DLGAP1: variants seen among roughly 807,000 people sequenced by gnomAD.
DLGAP1 encodes disks large-associated protein 1.
Under a neutral mutation model 90.8 loss-of-function variants are expected in DLGAP1, and 11 were observed. That is an observed-to-expected ratio of 0.12 (90% CI 0.08 to 0.20). The LOEUF is 0.20. Ranked by LOEUF, DLGAP1 falls within the 10% of genes least tolerant of loss-of-function variation. The pLI, the probability that DLGAP1 is intolerant of heterozygous loss-of-function variation, is 1.00. For synonymous variants in DLGAP1, 558 were observed against 540.7 expected (o/e 1.03, Z -0.44); for missense variants, 1,050 against 1,333.8 (o/e 0.79, Z 3.31).
chr18:4,365,711 G>C (rs1039987816), intron 1 of DLGAP1, among the ~76,000 whole-genome samples: 1 of 152,024 alleles, frequency 6.6e-6, no homozygotes, highest in African/African-American at 2.4e-5. Flanking sequence ...ATTTGAAAAC[G>C]AGAAACTTAT....
At chr18:3,996,213 C>CAA (rs539163592) in intron 3 of DLGAP1, among the ~76,000 whole-genome samples, 6 of 152,166 alleles carry the variant, frequency 3.9e-5, no homozygotes, top group African/African-American at 1.2e-4. Context: ...TTAAACAAGT[C>CAA]AATTCTGATA....
intron 4 of DLGAP1, among the ~76,000 whole-genome samples, chr18:3,870,490 C>T (rs1360038682): frequency 6.6e-6 from 1 of 152,136 alleles, no homozygotes; most frequent in Non-Finnish European, 1.5e-5. Context: ...ATCCTGCACA[C>T]TATTCCTCTC....
At chr18:4,035,549 T>C (rs1474977410) in intron 2 of DLGAP1, among the ~76,000 whole-genome samples, 1 of 152,170 alleles carries the variant, frequency 6.6e-6, no homozygotes, top group Non-Finnish European at 1.5e-5. Flanking sequence ...AAATTGATTA[T>C]TTACTCCACA....
At chr18:4,130,098 AG>A (rs911541915) in intron 2 of DLGAP1, among the ~76,000 whole-genome samples, 3 of 152,234 alleles carry the variant, frequency 2.0e-5, no homozygotes, top group African/African-American at 7.2e-5. Context: ...TTTCACTGCA[AG>A]AACATCATTA....
chr18:4,187,612 T>G (rs1002178978), intron 1 of DLGAP1, among the ~76,000 whole-genome samples: 1 of 152,176 alleles, frequency 6.6e-6, no homozygotes, highest in African/African-American at 2.4e-5. Context: ...TTTTCTGTAT[T>G]GTTGCTGTGA....
At chr18:4,325,196 C>G (rs2080789226) in intron 1 of DLGAP1, among the ~76,000 whole-genome samples, 1 of 152,124 alleles carries the variant, frequency 6.6e-6, no homozygotes, top group Non-Finnish European at 1.5e-5. Flanking sequence ...ATAAAAATCA[C>G]TCGCATTCCT....
intron 7 of DLGAP1, among the ~76,000 whole-genome samples, chr18:3,630,593 A>G (rs73940063): frequency 6.6e-6 from 1 of 152,132 alleles, no homozygotes; most frequent in Non-Finnish European, 1.5e-5. Flanking sequence ...TTTTTTTCCA[A>G]ATAAATACTC....
intron 1 of DLGAP1, among the ~76,000 whole-genome samples, chr18:4,198,227 T>A (rs573244742): frequency 3.3e-5 from 5 of 151,854 alleles, no homozygotes; most frequent in East Asian, 1.9e-4. Flanking sequence ...TCTCAAAAAA[T>A]AAATAAATAA....
At chr18:3,687,730 A>G (rs1302106839) in intron 7 of DLGAP1, among the ~76,000 whole-genome samples, 1 of 152,238 alleles carries the variant, frequency 6.6e-6, no homozygotes, top group Non-Finnish European at 1.5e-5. Context: ...GAAAAAACTC[A>G]GAACTCAATG....
chr18:3,876,025 G>GGA (rs2070993570), intron 4 of DLGAP1, among the ~76,000 whole-genome samples: 1 of 134,860 alleles, frequency 7.4e-6, no homozygotes, highest in Non-Finnish European at 1.6e-5. Flanking sequence ...CAATAGAGCT[G>GGA]AAAAAAAAAA....
intron 2 of DLGAP1, among the ~76,000 whole-genome samples, chr18:4,071,746 C>T (rs960256157): frequency 6.6e-5 from 10 of 152,174 alleles, no homozygotes; most frequent in Non-Finnish European, 1.2e-4. Context: ...TGAATTGTCT[C>T]GAAGGAGAGG....
At chr18:4,429,035 A>C (rs2083220691) in intron 1 of DLGAP1, among the ~76,000 whole-genome samples, 2 of 152,336 alleles carry the variant, frequency 1.3e-5, no homozygotes, top group African/African-American at 4.8e-5. Flanking sequence ...AAGGATCTAA[A>C]AGGATTTTTC....
intron 2 of DLGAP1, among the ~76,000 whole-genome samples, chr18:4,047,894 C>G (rs1004167274): frequency 6.6e-6 from 1 of 152,174 alleles, no homozygotes; most frequent in Non-Finnish European, 1.5e-5. Flanking sequence ...TTCCCAGGTT[C>G]CAGTGATCCT....
intron 2 of DLGAP1, among the ~76,000 whole-genome samples, chr18:4,113,130 C>T (rs755829558): frequency 1.6e-4 from 25 of 152,008 alleles, no homozygotes; most frequent in African/African-American, 3.1e-4. Flanking sequence ...TATTCAGTTA[C>T]GGGATTGCTG....
At chr18:3,978,003 T>C in intron 3 of DLGAP1, 1 of 373,772 alleles carries the variant, frequency 2.7e-6, no homozygotes, top group South Asian at 2.2e-5. Context: ...GTAGCACCAG[T>C]AGATGCAGGG....
In DLGAP1 at chr18:3,959,887, A is replaced by C. The variant is rs564197952; in HGVS notation, c.-73+45229T>G. Among the ~76,000 whole-genome samples, 64 of 152,322 alleles carry C rather than the reference A, an allele frequency of 4.2e-4. 1 individual carries two copies. Among genetic ancestry groups the C allele is most frequent in the Admixed American group, 1.6e-3 (24 of 15,310 alleles). ...GTTATTTTACACCGTCTCTTTTTAC[A>C]CTAAGGCTTGGAATGAAGTGTGCCT... On this transcript the variant is annotated intron_variant, in intron 3 of 12. Coordinates refer to ENST00000315677, the MANE Select transcript of DLGAP1 (RefSeq NM_004746.4).
At chr18:3,767,450 A>G (rs902336000) in intron 5 of DLGAP1, among the ~76,000 whole-genome samples, 1 of 152,068 alleles carries the variant, frequency 6.6e-6, no homozygotes, top group Non-Finnish European at 1.5e-5. Context: ...AAGACAGTAC[A>G]AAAAAATAAA....
chr18:4,316,802 C>T (rs571328799), intron 1 of DLGAP1, among the ~76,000 whole-genome samples: 1 of 152,322 alleles, frequency 6.6e-6, no homozygotes, highest in African/African-American at 2.4e-5. Context: ...AGTCCGGTTA[C>T]TGACTGTATG....
In DLGAP1 at chr18:3,655,960, ATGGCAATAGC is replaced by A. The variant is rs2059467120; in HGVS notation, c.1591+73165_1591+73174del. 4.5e-6 allele frequency: 4 copies of A among 891,404 alleles called. No homozygotes were observed. The Admixed American group carries it at 8.8e-5, about 20-fold the overall frequency. The allele number at this position is 891,404 out of a possible 1,614,324, so 55.2% of individuals were successfully genotyped here. A position where few individuals can be genotyped will look rare whatever the true frequency, so the allele number is the denominator to read the frequency against. Reference sequence around the variant, plus strand: ...CAGAACAAGGAGAAACACAGATGCAATGGCAATAGCTGGCAATTCGCACATGGCGTCAAAC... The same window carrying A: ...CAGAACAAGGAGAAACACAGATGCAATGGCAATTCGCACATGGCGTCAAAC... On this transcript the variant is annotated intron_variant, in intron 7 of 12. Transcript: ENST00000315677.
Sources: gnomAD v4.1 joint callset for allele counts (sites outside exome capture counted in the v4.1 genomes callset) on GRCh38, gnomAD v4.1.1 for gene constraint, MANE v1.5 for transcripts, NCBI Gene and HGNC (gene_info 2026-07-23, HGNC 2026-07-21) for gene names.